Variants in ITGB5 observed in about 807,000 individuals in gnomAD.
The protein encoded by ITGB5 is integrin subunit beta 5.
A neutral mutation model predicts 84.8 loss-of-function variants in ITGB5; 38 were observed. That is an observed-to-expected ratio of 0.45 (90% CI 0.35 to 0.59). The LOEUF (loss-of-function observed/expected upper bound fraction) is 0.59, where lower values mean the gene tolerates loss of function less well. ITGB5 is among the 20% of genes least tolerant of loss of function. The probability of loss-of-function intolerance (pLI) is 0.01; values close to 1 mark genes in which losing one functional copy is unlikely to be tolerated. For synonymous variants in ITGB5, 393 were observed against 414.4 expected, an observed-to-expected ratio of 0.95 and a Z score of 0.63; for missense variants, 905 against 1,034.5, an observed-to-expected ratio of 0.87 and a Z score of 1.72.
At chr3:124,893,264 T>C (rs1279445913) in intron 1 of ITGB5, among the ~76,000 whole-genome samples, 2 of 152,022 alleles carry the variant, frequency 1.3e-5, no homozygotes, top group Non-Finnish European at 2.9e-5. Context: ...AAAAATTAGC[T>C]GGATGTGGTG....
At chr3:124,802,507 A>T (rs1398587479) in intron 9 of ITGB5, among the ~76,000 whole-genome samples, 2 of 152,196 alleles carry the variant, frequency 1.3e-5, no homozygotes, top group African/African-American at 4.8e-5. Flanking sequence ...TTCAACGAAG[A>T]GGGAAAGCCC....
chr3:124,780,273 G>A (rs2063985260), intron 10 of ITGB5, among the ~76,000 whole-genome samples: 1 of 152,312 alleles, frequency 6.6e-6, no homozygotes, highest in South Asian at 2.1e-4. Flanking sequence ...GAGGCCCAAG[G>A]CAGCCATGGG....
intron 11 of ITGB5, chr3:124,769,905 T>G (rs1218439279): frequency 6.6e-6 from 1 of 152,242 alleles, no homozygotes; most frequent in Non-Finnish European, 1.5e-5. Flanking sequence ...AGTGACACCT[T>G]GAGCCTCTCT....
At chr3:124,819,909 G>A in intron 6 of ITGB5, 75 bp from the exon 7 acceptor site, 1 of 1,071,488 alleles carries the variant, frequency 9.3e-7, no homozygotes, top group Non-Finnish European at 1.5e-6. Flanking sequence ...CCAATGCACA[G>A]TCAGCAGCCA....
intron 12 of ITGB5, among the ~76,000 whole-genome samples, chr3:124,768,092 A>G (rs1188463784): frequency 1.3e-5 from 2 of 152,178 alleles, no homozygotes; most frequent in African/African-American, 4.8e-5. Flanking sequence ...AGAAGCCGTG[A>G]CTGTAGTCAG....
chr3:124,786,702 G>A (rs1037243926), intron 10 of ITGB5, among the ~76,000 whole-genome samples: 4 of 152,146 alleles, frequency 2.6e-5, no homozygotes, highest in Non-Finnish European at 5.9e-5. Context: ...TTTGGATCTG[G>A]GTGGAGCTCT....
At chr3:124,813,955 C>A (rs1291375163) in intron 8 of ITGB5, among the ~76,000 whole-genome samples, 1 of 152,138 alleles carries the variant, frequency 6.6e-6, no homozygotes, top group East Asian at 1.9e-4. Context: ...AGGAGCACCC[C>A]CCAAGAGTCA....
chr3:124,860,863 T>C (rs1224636886), intron 2 of ITGB5, among the ~76,000 whole-genome samples: 1 of 152,204 alleles, frequency 6.6e-6, no homozygotes, highest in South Asian at 2.1e-4. Context: ...GTCTCAGATG[T>C]CCTGGAACTA....
rs2065263178 is a variant in ITGB5, at chr3:124,859,308, A to C, written c.295T>G (p.Ser99Ala). 1 of 1,614,106 alleles carries C rather than the reference A, an allele frequency of 6.2e-7. No individual in the cohort carries two copies. Among genetic ancestry groups the C allele is most frequent in the Non-Finnish European group, 8.5e-7 (1 of 1,180,034 alleles). ...ATGACGTCCCAGCCTGCAGAGCCCG[A>C]ACCCTTGCTGCTGAGGGGCAGGCTC... ...LRSLPLSSKG[S>A]GSAGWDVIQM... Residue 99 changes from serine to alanine, a missense_variant, in exon 3 of 15, where the codon TCG becomes GCG. Transcript: ENST00000296181.
intron 2 of ITGB5, among the ~76,000 whole-genome samples, chr3:124,867,411 C>T (rs1161653093): frequency 6.6e-6 from 1 of 152,240 alleles, no homozygotes; most frequent in Middle Eastern, 3.2e-3. Context: ...TGACAACCTC[C>T]CAACTTCTGC....
At chr3:124,787,909 CT>C (rs35730935) in intron 10 of ITGB5, among the ~76,000 whole-genome samples, 375 of 137,560 alleles carry the variant, frequency 2.7e-3, no homozygotes, top group Middle Eastern at 7.4e-3. Context: ...ACAGATAGCT[CT>C]TTTTTTTTTT....
chr3:124,796,713 C>T lies in ITGB5; in HGVS notation c.1368G>A (p.Gly456=), dbSNP rs760786985. 6.8e-6 allele frequency: 11 copies of T among 1,613,962 alleles called. No homozygotes were observed. The East Asian group carries it at 2.5e-4, about 36-fold the overall frequency. ...AGCCGCACGTGCAGTTGTAGGTGAC[C>T]CCCACCTCCAGGCTGTCCCGGAATC... ...PVGFRDSLEV[G]VTYNCTCGCS... is the part of the protein sequence containing the mutation. Residue 456 remains glycine, a synonymous_variant, in exon 10 of 15, where the codon GGG becomes GGA. Transcript: ENST00000296181.
chr3:124,885,284 T>A (rs1934755095), intron 1 of ITGB5, among the ~76,000 whole-genome samples: 1 of 152,076 alleles, frequency 6.6e-6, no homozygotes, highest in Non-Finnish European at 1.5e-5. Flanking sequence ...AAAAAAAAAT[T>A]ATTTGCAACT....
At chr3:124,793,758 T>C (rs1418563967) in intron 10 of ITGB5, among the ~76,000 whole-genome samples, 1 of 152,248 alleles carries the variant, frequency 6.6e-6, no homozygotes, top group Non-Finnish European at 1.5e-5. Context: ...CAACCTATCA[T>C]CACTCTGCTG....
At chr3:124,878,318 C>T (rs553554376) in intron 1 of ITGB5, among the ~76,000 whole-genome samples, 3 of 152,314 alleles carry the variant, frequency 2.0e-5, no homozygotes, top group Admixed American at 1.3e-4. Context: ...AAAGCCCTTA[C>T]TTAATTGGAC....
intron 7 of ITGB5, among the ~76,000 whole-genome samples, 158 bp downstream of exon 7, chr3:124,819,581 C>T (rs182467040): frequency 5.0e-4 from 76 of 152,206 alleles, no homozygotes; most frequent in Admixed American, 1.4e-3. Context: ...CACTGCTATG[C>T]GAATGCTTAA....
intron 2 of ITGB5, among the ~76,000 whole-genome samples, chr3:124,864,462 T>G (rs747198865): frequency 3.9e-5 from 6 of 152,110 alleles, no homozygotes; most frequent in African/African-American, 7.2e-5. Flanking sequence ...CCTCATATCA[T>G]AAAGCCTTAG....
chr3:124,839,167 A>G (rs1374540999), intron 5 of ITGB5, among the ~76,000 whole-genome samples: 1 of 152,230 alleles, frequency 6.6e-6, no homozygotes, highest in Non-Finnish European at 1.5e-5. Flanking sequence ...TTAACTTTCC[A>G]GGTATTCCCT....
At chr3:124,894,661 C>T (rs1935067764) in intron 1 of ITGB5, 1 of 152,150 alleles carries the variant, frequency 6.6e-6, no homozygotes, top group African/African-American at 2.4e-5. Context: ...AGATTCCTTT[C>T]CAGTTATTTC....
Sources: gnomAD v4.1 joint callset for allele counts (sites outside exome capture counted in the v4.1 genomes callset) on GRCh38, gnomAD v4.1.1 for gene constraint, MANE v1.5 for transcripts, NCBI Gene and HGNC (gene_info 2026-07-23, HGNC 2026-07-21) for gene names.